The following IL1RAPL1 variants were observed in gnomAD, a reference collection of about 807,000 sequenced individuals.
IL1RAPL1 encodes the protein interleukin-1 receptor accessory protein-like 1.
A neutral mutation model predicts 48.4 loss-of-function variants in IL1RAPL1; 3 were observed. That is an observed-to-expected ratio of 0.06 (90% CI 0.03 to 0.16). The LOEUF is 0.16. IL1RAPL1 is among the 10% of genes least tolerant of loss of function. The probability of loss-of-function intolerance (pLI) is 1.00; values close to 1 mark genes in which losing one functional copy is unlikely to be tolerated. For synonymous variants in IL1RAPL1, 185 were observed against 187.7 expected (o/e 0.99, Z 0.12); for missense variants, 349 against 530.6 (o/e 0.66, Z 3.36).
At chrX:29,475,846 T>A (rs943510439) in intron 5 of IL1RAPL1, among the ~76,000 whole-genome samples, 1 of 111,092 alleles carries the variant, frequency 9.0e-6, no homozygotes. Flanking sequence ...TTTTTTTTTT[T>A]ATGTAGTTTC....
intron 5 of IL1RAPL1, among the ~76,000 whole-genome samples, chrX:29,404,780 TC>T (rs1189667173): frequency 2.7e-5 from 3 of 112,264 alleles, no homozygotes; most frequent in South Asian, 3.7e-4. Context: ...CTGAAAAACT[TC>T]CTTTGGCATT....
At chrX:29,090,660 C>T (rs1928069613) in intron 2 of IL1RAPL1, among the ~76,000 whole-genome samples, 3 of 111,976 alleles carry the variant, frequency 2.7e-5, no homozygotes, top group South Asian at 3.7e-4. Context: ...GGCTGCCATT[C>T]TCTCTCAGTC....
At position 29,278,497 on chromosome X, in the gene IL1RAPL1, A is replaced by G. The variant is rs182690992; in HGVS notation, c.83-4441A>G. On this transcript the variant is annotated intron_variant, in intron 2 of 10. Coordinates refer to ENST00000378993, the MANE Select transcript of IL1RAPL1 (RefSeq NM_014271.4). ...GTACTGCAGAGATATGTTGAACTGGAGTATTTCCATAGAATCCTCCCATCA... is the reference window on the plus strand; with the variant it reads ...GTACTGCAGAGATATGTTGAACTGGGGTATTTCCATAGAATCCTCCCATCA... Among the ~76,000 whole-genome samples, 683 of 112,085 alleles carry G rather than the reference A, an allele frequency of 6.1e-3. 6 individuals are homozygous for G. The highest frequency in any genetic ancestry group is 0.011 in the Non-Finnish European group (580 of 53,228).
At chrX:29,317,129 A>G (rs1394719694) in intron 3 of IL1RAPL1, among the ~76,000 whole-genome samples, 1 of 111,729 alleles carries the variant, frequency 9.0e-6, no homozygotes, top group Admixed American at 9.5e-5. Context: ...ACCTAATTCT[A>G]GAAGTCCTTC....
intron 2 of IL1RAPL1, among the ~76,000 whole-genome samples, chrX:29,114,027 C>T (rs1928627314): frequency 9.0e-6 from 1 of 111,274 alleles, no homozygotes; most frequent in Admixed American, 9.6e-5. Context: ...TTGCCAATAT[C>T]TTCTTTAGAA....
intron 2 of IL1RAPL1, among the ~76,000 whole-genome samples, chrX:29,187,972 A>G (rs1044889393): frequency 5.4e-5 from 6 of 112,038 alleles, no homozygotes; most frequent in Non-Finnish European, 1.1e-4. Context: ...GCTCTACTCT[A>G]CCAATTAGTG....
chrX:29,133,017 A>G (rs370546509), intron 2 of IL1RAPL1, among the ~76,000 whole-genome samples: 21 of 111,480 alleles, frequency 1.9e-4, no homozygotes, highest in African/African-American at 6.5e-4. Context: ...CTTTCATGCC[A>G]TAATAAAATA....
intron 2 of IL1RAPL1, among the ~76,000 whole-genome samples, chrX:29,124,371 G>A (rs778694660): frequency 3.6e-4 from 40 of 112,064 alleles, no homozygotes; most frequent in Middle Eastern, 9.3e-3. Context: ...AGTAATTATC[G>A]TCGGAAATTA....
At chrX:29,029,812 C>A (rs2048000918) in intron 2 of IL1RAPL1, among the ~76,000 whole-genome samples, 1 of 111,742 alleles carries the variant, frequency 8.9e-6, no homozygotes, top group Admixed American at 9.5e-5. Context: ...AAAGTCATCA[C>A]CTAACCTAAG....
intron 1 of IL1RAPL1, among the ~76,000 whole-genome samples, chrX:28,599,251 C>CA (rs771389258): frequency 0.038 from 2,111 of 55,719 alleles, 50 homozygotes; most frequent in African/African-American, 0.093. Flanking sequence ...GACTCCATCT[C>CA]AAAAAAAAAA....
intron 7 of IL1RAPL1, among the ~76,000 whole-genome samples, chrX:29,918,492 C>A (rs1166987111): frequency 1.2e-5 from 1 of 86,013 alleles, no homozygotes; most frequent in Non-Finnish European, 2.2e-5. Flanking sequence ...GCAACAAGAG[C>A]GAAACTCTGT....
intron 2 of IL1RAPL1, among the ~76,000 whole-genome samples, chrX:29,235,553 G>T (rs1664844004): frequency 9.0e-6 from 1 of 111,462 alleles, no homozygotes; most frequent in East Asian, 2.8e-4. Flanking sequence ...TGTTACATAT[G>T]TAACAAGCAC....
At chrX:29,914,348 C>T (rs1279893189) in intron 6 of IL1RAPL1, among the ~76,000 whole-genome samples, 1 of 111,831 alleles carries the variant, frequency 8.9e-6, no homozygotes, top group Non-Finnish European at 1.9e-5. Context: ...TGATGTGAGA[C>T]AGTAATTCAG....
intron 9 of IL1RAPL1, among the ~76,000 whole-genome samples, chrX:29,952,149 C>T (rs962414746): frequency 3.6e-5 from 4 of 111,530 alleles, no homozygotes; most frequent in African/African-American, 9.8e-5. Flanking sequence ...CTGAATGCTC[C>T]GTTCTTACTG....
At chrX:29,581,096 T>G in intron 5 of IL1RAPL1, among the ~76,000 whole-genome samples, 1 of 112,474 alleles carries the variant, frequency 8.9e-6, no homozygotes, top group Non-Finnish European at 1.9e-5. Flanking sequence ...ATGTCAAGTA[T>G]TCCTTTAGCA....
Position 29,148,182 on chromosome X carries a change from T to C in IL1RAPL1, c.83-134756T>C, listed in dbSNP as rs767134411. 8.0e-5 allele frequency among the ~76,000 whole-genome samples: 9 copies of C among 112,269 alleles called. No homozygotes were observed. In the South Asian group the frequency reaches 3.3e-3, roughly 41 times the overall value. On this transcript the variant is annotated intron_variant, in intron 2 of 10. Transcript: ENST00000378993. Reference sequence around the variant, plus strand: ...ACATACATATATAGTCTATACATAATAGCTATATGTGATATACTCTCTAGA... The same window carrying C: ...ACATACATATATAGTCTATACATAACAGCTATATGTGATATACTCTCTAGA...
intron 2 of IL1RAPL1, among the ~76,000 whole-genome samples, chrX:29,175,414 T>TA (rs1397748190): frequency 2.7e-5 from 3 of 112,151 alleles, no homozygotes; most frequent in Non-Finnish European, 5.6e-5. Flanking sequence ...TTCTTAAGCT[T>TA]AGTAGCTATA....
chrX:28,672,006 T>G (rs946125078), intron 1 of IL1RAPL1, among the ~76,000 whole-genome samples: 1 of 112,724 alleles, frequency 8.9e-6, no homozygotes, highest in Non-Finnish European at 1.9e-5. Flanking sequence ...ATAATTTATA[T>G]TCAGTAGTGT....
intron 1 of IL1RAPL1, among the ~76,000 whole-genome samples, chrX:28,607,409 A>T (rs1179643443): frequency 1.8e-5 from 2 of 111,508 alleles, no homozygotes; most frequent in Non-Finnish European, 3.8e-5. Flanking sequence ...GCCATTTTTT[A>T]AAATTGCTCT....
Sources: allele counts gnomAD v4.1 joint callset (sites outside exome capture counted in the v4.1 genomes callset), GRCh38; gene constraint gnomAD v4.1.1; transcripts MANE v1.5; gene names NCBI Gene and HGNC (gene_info 2026-07-23, HGNC 2026-07-21).